Variants in ADGRF3 observed in about 807,000 individuals in gnomAD.
ADGRF3 encodes the protein G protein-coupled receptor 113.
In ADGRF3, 85 loss-of-function variants were observed where a neutral mutation model predicts 93.2. The observed-to-expected ratio is 0.91, with a 90% CI of 0.77 to 1.09. ADGRF3 has a LOEUF of 1.09. Among genes scored for constraint, ADGRF3 ranks in the 50% least tolerant of loss-of-function variants. ADGRF3 has a pLI of 0.00. For missense variants in ADGRF3, 1,125 were observed against 1,246.2 expected (o/e 0.90, Z 1.46); for synonymous variants, 534 against 532.5 (o/e 1.00, Z -0.04).
intron 1 of ADGRF3, chr2:26,319,115 G>A (rs1360185696): frequency 3.2e-5 from 47 of 1,487,772 alleles, no homozygotes; most frequent in Non-Finnish European, 4.2e-5. Flanking sequence ...TGGCAGGGCA[G>A]TGTGCAGATG....
rs563293854 is a variant in ADGRF3 at position 26,326,597 on chromosome 2, C to T, written c.115-9035G>A. ...AGTAGATTTTATAAAGTCAATAAACCTAGAAAATATTTTTGAGTAGCCTGT... is the reference window on the plus strand; with the variant it reads ...AGTAGATTTTATAAAGTCAATAAACTTAGAAAATATTTTTGAGTAGCCTGT... On this transcript the variant is annotated intron_variant, in intron 1 of 13. Transcript: ENST00000651242. Among the ~76,000 whole-genome samples, 6 of 152,072 alleles carry T rather than the reference C, an allele frequency of 3.9e-5. No individual in the cohort carries two copies. The South Asian group carries it at 1.0e-3, about 26-fold the overall frequency.
In ADGRF3 at chr2:26,311,052, C is replaced by G. The variant is rs1674053780; in HGVS notation, c.2472G>C (p.Leu824=). 2 of 1,609,214 alleles carry G rather than the reference C, an allele frequency of 1.2e-6. No individual in the cohort carries two copies. Among genetic ancestry groups the G allele is most frequent in the Non-Finnish European group, 1.7e-6 (2 of 1,177,950 alleles). The change falls in exon 10 of 14, where the codon CTG becomes CTC. Residue 824 remains leucine (L), a synonymous_variant. Coordinates refer to ENST00000651242, the MANE Select transcript of ADGRF3 (RefSeq NM_001321971.2). ...VLPLMVLLGY[L]CPLGLAGVTL... is the part of the protein sequence containing the mutation. The stretch of plus-strand genomic sequence containing the variant: ...TGACACCTGCCAACCCCAGTGGGCA[C>G]AGGTAGCCCAGGAGCACCATGAGGG...
intron 1 of ADGRF3, among the ~76,000 whole-genome samples, chr2:26,326,914 C>T (rs1377877285): frequency 1.3e-5 from 2 of 152,240 alleles, no homozygotes; most frequent in East Asian, 3.9e-4. Flanking sequence ...GGACTACAGG[C>T]GACCACCACC....
Position 26,317,029 on chromosome 2 carries a change from G to A in ADGRF3, c.208C>T (p.His70Tyr), listed in dbSNP as rs1445572393. ...CAGGTCTTATCTGGAAAGTCCAGAT[G>A]TACATAGACGGAGACCAGCGCTGAT... ...GESALVSVYV[H>Y]LDFPDKTWPP... Residue 70 changes from histidine to tyrosine, a missense_variant, in exon 3 of 14, where the codon CAT becomes TAT. His to Tyr is a moderately conservative substitution (Grantham distance 83). Transcript: ENST00000651242. The A allele has an allele frequency of 6.2e-7, 1 of 1,612,596 alleles. No homozygotes were observed. The highest frequency in any genetic ancestry group is 8.5e-7 in the Non-Finnish European group (1 of 1,179,376).
intron 1 of ADGRF3, among the ~76,000 whole-genome samples, chr2:26,328,454 G>GTTTT (rs35836521): frequency 4.5e-5 from 6 of 132,082 alleles, no homozygotes; most frequent in Admixed American, 8.0e-5. Context: ...GGCCTTTTTA[G>GTTTT]TTTTTTTTTT....
At chr2:26,320,499 A>G (rs1435979952) in intron 1 of ADGRF3, among the ~76,000 whole-genome samples, 1 of 152,236 alleles carries the variant, frequency 6.6e-6, no homozygotes, top group Non-Finnish European at 1.5e-5. Flanking sequence ...TCCATCTTAA[A>G]AAAATAAAAA....
chr2:26,327,753 G>C lies in ADGRF3; in HGVS notation c.115-10191C>G, dbSNP rs550965257. Among the ~76,000 whole-genome samples the C allele has an allele frequency of 2.6e-5, 4 of 151,140 alleles. No homozygotes were observed. The South Asian group carries it at 8.4e-4, about 32-fold the overall frequency. ...GAGACAAAGACAGAGAGAGAAAGAG[G>C]AAAGGGGCCCTAACTTATCCTTTTA... On this transcript the variant is annotated intron_variant, in intron 1 of 13. Coordinates refer to ENST00000651242, the MANE Select transcript of ADGRF3 (RefSeq NM_001321971.2).
At chr2:26,344,182 T>C (rs761873718) in intron 1 of ADGRF3, among the ~76,000 whole-genome samples, 6 of 152,214 alleles carry the variant, frequency 3.9e-5, no homozygotes, top group Non-Finnish European at 7.3e-5. Flanking sequence ...TCTTGCTCTG[T>C]CGCCCAGGCT....
rs1243427270 is a variant in ADGRF3 at position 26,310,954 on chromosome 2, G to A, written c.2570C>T (p.Ala857Val). The A allele has an allele frequency of 1.2e-6, 2 of 1,613,604 alleles. No individual in the cohort carries two copies. Among genetic ancestry groups the A allele is most frequent in the African/African-American group, 2.7e-5 (2 of 74,918 alleles). Reference protein sequence around the residue: ...GECWLDGKGGALYTFVGPVLA... With the variant: ...GECWLDGKGGVLYTFVGPVLA... ...CACTGGCCCCACGAAGGTGTATAACGCCCCTCCCTTCCCATCCAACCAGCA... is the reference window on the plus strand; with the variant it reads ...CACTGGCCCCACGAAGGTGTATAACACCCCTCCCTTCCCATCCAACCAGCA... The change falls in exon 10 of 14, where the codon GCG (alanine) becomes GTG (valine). Residue 857 changes from alanine (A) to valine (V), a missense_variant. Ala to Val is a moderately conservative substitution (Grantham distance 64). Transcript: ENST00000651242.
chr2:26,312,750 C>T (rs530773250), intron 9 of ADGRF3, among the ~76,000 whole-genome samples, 193 bp downstream of exon 9: 1 of 152,336 alleles, frequency 6.6e-6, no homozygotes, highest in South Asian at 2.1e-4. Context: ...GCTCCCAGCG[C>T]CAGGCCTCCA....
At chr2:26,315,105 A>G (rs1674535703) in intron 5 of ADGRF3, among the ~76,000 whole-genome samples, 1 of 152,232 alleles carries the variant, frequency 6.6e-6, no homozygotes, top group Non-Finnish European at 1.5e-5. Flanking sequence ...GGGTTCTCCC[A>G]TCTGCATTTG....
chr2:26,345,064 A>C (rs1181354202), intron 1 of ADGRF3, among the ~76,000 whole-genome samples: 1 of 152,226 alleles, frequency 6.6e-6, no homozygotes, highest in African/African-American at 2.4e-5. Flanking sequence ...GTGGTTTCCC[A>C]TAACACAGAA....
At chr2:26,323,712 C>T (rs1288718287) in intron 1 of ADGRF3, among the ~76,000 whole-genome samples, 1 of 151,250 alleles carries the variant, frequency 6.6e-6, no homozygotes, top group Non-Finnish European at 1.5e-5. Flanking sequence ...TCACTACAAC[C>T]TCCACCTCCT....
intron 1 of ADGRF3, chr2:26,318,975 T>A (rs1460791181): frequency 6.4e-7 from 1 of 1,551,642 alleles, no homozygotes; most frequent in African/African-American, 1.4e-5. Context: ...CAGGTTGGGA[T>A]GCTTGGGCAA....
At chr2:26,342,243 A>G (rs1676441696) in intron 1 of ADGRF3, among the ~76,000 whole-genome samples, 2 of 152,166 alleles carry the variant, frequency 1.3e-5, no homozygotes, top group South Asian at 4.1e-4. Context: ...ACTCTATACA[A>G]TTGGAACAGC....
At chr2:26,318,211 ACAGACCTGAG>A in intron 1 of ADGRF3, 1 of 837,618 alleles carries the variant, frequency 1.2e-6, no homozygotes, top group Non-Finnish European at 1.9e-6. Flanking sequence ...TCACTGTGTC[ACAGACCTGAG>A]CCCTGTCTAT....
At chr2:26,325,861 G>A (rs776278198) in intron 1 of ADGRF3, among the ~76,000 whole-genome samples, 2 of 152,082 alleles carry the variant, frequency 1.3e-5, no homozygotes, top group Non-Finnish European at 2.9e-5. Flanking sequence ...AATTTTGGAG[G>A]TATAGATGAC....
At chr2:26,343,150 T>C (rs974263105) in intron 1 of ADGRF3, among the ~76,000 whole-genome samples, 1 of 152,170 alleles carries the variant, frequency 6.6e-6, no homozygotes, top group Non-Finnish European at 1.5e-5. Context: ...AGGATGTCAC[T>C]AGATGACAGA....
At chr2:26,336,705 G>A (rs1676061006) in intron 1 of ADGRF3, among the ~76,000 whole-genome samples, 1 of 126,742 alleles carries the variant, frequency 7.9e-6, no homozygotes, top group Non-Finnish European at 1.6e-5. Context: ...CAACCTTGGT[G>A]ACAGAGTGAG....
Sources: allele counts gnomAD v4.1 joint callset (sites outside exome capture counted in the v4.1 genomes callset), GRCh38; gene constraint gnomAD v4.1.1; transcripts MANE v1.5; gene names NCBI Gene and HGNC (gene_info 2026-07-23, HGNC 2026-07-21).